The following SOX5 variants were observed in gnomAD, a reference collection of about 807,000 sequenced individuals.
SOX5 encodes SRY-box transcription factor 5.
Under a neutral mutation model 92.0 loss-of-function variants are expected in SOX5, and 9 were observed. The observed-to-expected ratio is 0.10, with a 90% CI of 0.06 to 0.17. The LOEUF (loss-of-function observed/expected upper bound fraction) is 0.17. Ranked by LOEUF, SOX5 falls within the 10% of genes least tolerant of loss-of-function variation. SOX5 has a pLI of 1.00. For synonymous variants in SOX5, 344 were observed against 336.3 expected (o/e 1.02, Z -0.25); for missense variants, 642 against 944.5 (o/e 0.68, Z 4.20).
intron 3 of SOX5, among the ~76,000 whole-genome samples, chr12:24,216,982 C>A (rs1359020978): frequency 6.6e-6 from 1 of 152,144 alleles, no homozygotes; most frequent in Non-Finnish European, 1.5e-5. Context: ...GGATAGTGAA[C>A]ATACTGATGT....
intron 8 of SOX5, among the ~76,000 whole-genome samples, chr12:23,634,531 G>A (rs1349261297): frequency 6.6e-6 from 1 of 152,110 alleles, no homozygotes; most frequent in East Asian, 1.9e-4. Flanking sequence ...GCCTTGGTAA[G>A]ATAAGGGCCA....
At chr12:24,372,011 G>A (rs1040086398) in intron 1 of SOX5, among the ~76,000 whole-genome samples, 2 of 151,824 alleles carry the variant, frequency 1.3e-5, no homozygotes, top group Admixed American at 6.6e-5. Context: ...GAGAGAGAGA[G>A]AGAGATCATT....
chr12:24,057,289 G>T (rs1958233121), intron 4 of SOX5, among the ~76,000 whole-genome samples: 1 of 151,934 alleles, frequency 6.6e-6, no homozygotes. Flanking sequence ...AAACTATTAA[G>T]AAAAAAGAAG....
chr12:24,424,818 G>GT (rs386375922), intron 1 of SOX5, among the ~76,000 whole-genome samples: 2 of 149,148 alleles, frequency 1.3e-5, no homozygotes, highest in African/African-American at 2.5e-5. Flanking sequence ...TGGGGGGGGG[G>GT]GATGGCTGTT....
intron 1 of SOX5, among the ~76,000 whole-genome samples, chr12:24,415,688 A>AT (rs1255766021): frequency 6.6e-6 from 1 of 152,230 alleles, no homozygotes; most frequent in African/African-American, 2.4e-5. Flanking sequence ...TCAGGTCCTA[A>AT]TATTACTGTC....
chr12:23,624,611 C>T (rs753959587), intron 8 of SOX5, among the ~76,000 whole-genome samples: 8 of 152,092 alleles, frequency 5.3e-5, no homozygotes, highest in Non-Finnish European at 8.8e-5. Flanking sequence ...CACCTGGTTC[C>T]AGCCCACGCT....
intron 2 of SOX5, among the ~76,000 whole-genome samples, chr12:24,328,729 G>A (rs1323085938): frequency 1.3e-5 from 2 of 152,164 alleles, no homozygotes; most frequent in Non-Finnish European, 2.9e-5. Context: ...AACTTTTGGA[G>A]GTGTGGGAGA....
chr12:23,929,022 GT>G (rs758313975), intron 1 of SOX5, among the ~76,000 whole-genome samples: 1 of 150,996 alleles, frequency 6.6e-6, no homozygotes, highest in African/African-American at 2.4e-5. Context: ...CTCTGGTAGT[GT>G]TTTTTTAAAA....
chr12:23,965,408 C>A, intron 4 of SOX5, among the ~76,000 whole-genome samples: 1 of 152,062 alleles, frequency 6.6e-6, no homozygotes, highest in Non-Finnish European at 1.5e-5. Context: ...TCCTCCACAC[C>A]AGCCACCACA....
intron 6 of SOX5, among the ~76,000 whole-genome samples, chr12:23,695,332 C>T (rs2089624235): frequency 6.6e-6 from 1 of 152,052 alleles, no homozygotes; most frequent in Non-Finnish European, 1.5e-5. Context: ...TTGGAATTGG[C>T]TTGTCAATTA....
At chr12:23,687,832 A>T (rs906867288) in intron 6 of SOX5, among the ~76,000 whole-genome samples, 3 of 151,802 alleles carry the variant, frequency 2.0e-5, no homozygotes, top group South Asian at 2.1e-4. Flanking sequence ...AGCACTGGGG[A>T]CTATTTTCTC....
intron 1 of SOX5, among the ~76,000 whole-genome samples, chr12:24,506,964 G>C (rs1305334383): frequency 3.3e-5 from 5 of 151,456 alleles, no homozygotes. Context: ...CTAATTTTTT[G>C]TATTTTTAGT....
chr12:24,393,731 A>T lies in SOX5; in HGVS notation c.-250-25092T>A, dbSNP rs150202927. 0.011 allele frequency among the ~76,000 whole-genome samples: 1,673 copies of T among 152,304 alleles called. 51 individuals carry two copies. The highest frequency in any genetic ancestry group is 0.038 in the African/African-American group (1,571 of 41,556). On this transcript the variant is annotated intron_variant, in intron 1 of 4. Transcript: ENST00000446891. This position sits in a 1 kb window ranked among gnomAD's most constrained non-coding sequence, Gnocchi z 5.0. ...TCTATTCTTTAAAAAATTATGACAC[A>T]ATACTATCTTCCATTTGGGGATGAA...
intron 4 of SOX5, among the ~76,000 whole-genome samples, chr12:24,103,672 T>A (rs73275500): frequency 6.6e-6 from 1 of 152,240 alleles, no homozygotes; most frequent in Non-Finnish European, 1.5e-5. Context: ...AAAAGCTTTA[T>A]AAAATTGTTT....
intron 3 of SOX5, among the ~76,000 whole-genome samples, chr12:23,837,866 G>T: frequency 3.2e-5 from 3 of 93,478 alleles, no homozygotes; most frequent in African/African-American, 4.5e-5. Flanking sequence ...TAATATATAA[G>T]ATATATTTAT....
chr12:24,008,753 C>T (rs1952599161), intron 4 of SOX5, among the ~76,000 whole-genome samples: 1 of 152,158 alleles, frequency 6.6e-6, no homozygotes, highest in Non-Finnish European at 1.5e-5. Context: ...ATGGCCAACA[C>T]TTAACAGGGT....
At chr12:23,753,934 A>G (rs2094274518) in intron 4 of SOX5, among the ~76,000 whole-genome samples, 1 of 151,830 alleles carries the variant, frequency 6.6e-6, no homozygotes, top group Non-Finnish European at 1.5e-5. Context: ...TTGAACACCT[A>G]ATAACCATGC....
intron 4 of SOX5, among the ~76,000 whole-genome samples, chr12:24,148,504 AG>A (rs59942838): frequency 0.28 from 18,637 of 67,670 alleles, 4,628 homozygotes; most frequent in Non-Finnish European, 0.32. Flanking sequence ...AAAAAAAAAA[AG>A]AGAGAGAGAG....
At chr12:24,224,364 T>A (rs915851609) in intron 3 of SOX5, among the ~76,000 whole-genome samples, 1 of 152,178 alleles carries the variant, frequency 6.6e-6, no homozygotes, top group African/African-American at 2.4e-5. Context: ...TTCGCCTTTT[T>A]AAATATAAAT....
Sources: gnomAD v4.1 joint callset for allele counts (sites outside exome capture counted in the v4.1 genomes callset) on GRCh38, gnomAD v4.1.1 for gene constraint, Gnocchi (gnomAD v3.1) non-coding constraint, MANE v1.5 for transcripts, NCBI Gene and HGNC (gene_info 2026-07-23, HGNC 2026-07-21) for gene names.